Variants in SMOC2 observed in about 807,000 individuals in gnomAD.
SMOC2 encodes SPARC-related modular calcium-binding protein 2.
Under a neutral mutation model 61.4 loss-of-function variants are expected in SMOC2, and 39 were observed. The ratio of observed to expected loss-of-function variants is 0.64; its 90% CI spans 0.49 to 0.83. The LOEUF is 0.83. Among genes scored for constraint, SMOC2 ranks in the 40% least tolerant of loss-of-function variants. The probability of loss-of-function intolerance (pLI) is 0.00; values close to 1 mark genes in which losing one functional copy is unlikely to be tolerated. For synonymous variants in SMOC2, 247 were observed against 239.9 expected, an observed-to-expected ratio of 1.03 and a Z score of -0.27; for missense variants, 556 against 592.9, an observed-to-expected ratio of 0.94 and a Z score of 0.65.
Position 168,527,627 on chromosome 6 carries a change from G to A in SMOC2, c.364-1G>A. 1 of 1,549,770 alleles carries A rather than the reference G, an allele frequency of 6.5e-7. No individual in the cohort carries two copies. Among genetic ancestry groups the A allele is most frequent in the Non-Finnish European group, 8.7e-7 (1 of 1,146,404 alleles). ...CTTACCCGTCCTGTGCTCTCTCGCA[G>A]GTCCAGTGTCACAGCTACACGGGAT... is the stretch of plus-strand genomic sequence containing the variant. On this transcript the variant is annotated splice_acceptor_variant, in intron 3 of 12. Coordinates refer to ENST00000356284, the MANE Select transcript of SMOC2 (RefSeq NM_001166412.2). LOFTEE classifies it high-confidence loss of function.
At chr6:168,549,004 A>C (rs1214895060) in intron 6 of SMOC2, 125 bp from the exon 7 acceptor site, 5 of 710,896 alleles carry the variant, frequency 7.0e-6, no homozygotes, top group Non-Finnish European at 1.0e-5. Flanking sequence ...ATTTCTTTAC[A>C]AATGTACAAT....
At chr6:168,626,899 T>TGCCTGAGTTG (rs1439793560) in intron 9 of SMOC2, among the ~76,000 whole-genome samples, 6 of 152,328 alleles carry the variant, frequency 3.9e-5, no homozygotes, top group South Asian at 2.1e-4. Flanking sequence ...AGTTCTCTGT[T>TGCCTGAGTTG]GCCTGAGTTG....
Position 168,543,614 on chromosome 6 carries a change from T to A in SMOC2, c.464-11T>A. On this transcript the variant is annotated splice_polypyrimidine_tract_variant and intron_variant, in intron 4 of 12. Transcript: ENST00000356284. ...AATAATTTCATTTCACTCCTTATTT[T>A]CCTCTTTTAGGTTCCGTAAATGAAA... 6.2e-7 allele frequency: 1 copy of A among 1,612,908 alleles called. No individual in the cohort carries two copies. Among genetic ancestry groups the A allele is most frequent in the Non-Finnish European group, 8.5e-7 (1 of 1,179,152 alleles).
At chr6:168,599,274 TCTCA>T (rs1453416487) in intron 8 of SMOC2, among the ~76,000 whole-genome samples, 3 of 92,022 alleles carry the variant, frequency 3.3e-5, no homozygotes, top group African/African-American at 1.4e-4. Context: ...ACACCCACGC[TCTCA>T]CACACCCACA....
Position 168,526,340 on chromosome 6 carries a change from C to T in SMOC2, c.257-6C>T, listed in dbSNP as rs993158183. 2 of 1,613,066 alleles carry T rather than the reference C, an allele frequency of 1.2e-6. No homozygotes were observed. The highest frequency in any genetic ancestry group is 1.3e-5 in the African/African-American group (1 of 75,048). ...AACCACACCTCTGCCCTGTTCTTCC[C>T]TACAGACGTGTCCAGGTGTGTGGCC... On this transcript the variant is annotated splice_polypyrimidine_tract_variant and splice_region_variant and intron_variant, in intron 2 of 12. Transcript: ENST00000356284.
At chr6:168,518,645 TTG>T (rs758316912) in intron 2 of SMOC2, among the ~76,000 whole-genome samples, 9 of 144,820 alleles carry the variant, frequency 6.2e-5, no homozygotes, top group Middle Eastern at 3.6e-3. Context: ...GAGTGTATGC[TTG>T]TGTGGGTGTG....
At position 168,535,583 on chromosome 6, in the gene SMOC2, T is replaced by C. The variant is rs1775393444; in HGVS notation, c.463+7856T>C. On this transcript the variant is annotated intron_variant, in intron 4 of 12. Coordinates refer to ENST00000356284, the MANE Select transcript of SMOC2 (RefSeq NM_001166412.2). The surrounding 1 kb of genome is among the most constrained non-coding windows in gnomAD (Gnocchi z 4.6). ...CTGTTTAAAGGCAGAATCACTAGGA[T>C]AGAAAAAGACCCACGAAGCATAAAA... is the stretch of plus-strand genomic sequence containing the variant. Among the ~76,000 whole-genome samples the C allele has an allele frequency of 6.6e-6, 1 of 151,980 alleles. No individual in the cohort carries two copies. Among genetic ancestry groups the C allele is most frequent in the Admixed American group, 6.6e-5 (1 of 15,264 alleles).
chr6:168,664,384 C>CTTTTTTTTTTTT lies in SMOC2; in HGVS notation c.1323+294_1323+305dup, dbSNP rs750178882. 1.1e-5 allele frequency: 3 copies of CTTTTTTTTTTTT among 283,094 alleles called. No individual in the cohort carries two copies. The African/African-American group carries it at 1.2e-4, about 11-fold the overall frequency. 17.5% of individuals were successfully genotyped at this position (283,094 alleles called of 1,614,324 possible). ...TTCTGAGTTTCCTTGTTTGGTAGATCTTTTTTTTTTTTTTTTTTTTTTTTT... is the reference window on the plus strand; with the variant it reads ...TTCTGAGTTTCCTTGTTTGGTAGATCTTTTTTTTTTTTTTTTTTTTTTTTTTTTTTTTTTTTT... On this transcript the variant is annotated intron_variant, in intron 12 of 12. Coordinates refer to ENST00000356284, the MANE Select transcript of SMOC2 (RefSeq NM_001166412.2).
rs1284875467 is a variant in SMOC2 at position 168,544,973 on chromosome 6, T to C, written c.511+1301T>C. ...TCACAGTCAAGGAAGATAGCTCATTTTCCAGCCGAAAAATGATGACAGGCA... is the reference window on the plus strand; with the variant it reads ...TCACAGTCAAGGAAGATAGCTCATTCTCCAGCCGAAAAATGATGACAGGCA... On this transcript the variant is annotated intron_variant, in intron 5 of 12. Transcript: ENST00000356284. This position sits in a 1 kb window ranked among gnomAD's most constrained non-coding sequence, Gnocchi z 4.1. 6.6e-6 allele frequency among the ~76,000 whole-genome samples: 1 copy of C among 152,136 alleles called. No individual in the cohort carries two copies. Among genetic ancestry groups the C allele is most frequent in the Non-Finnish European group, 1.5e-5 (1 of 68,032 alleles).
chr6:168,521,648 G>T (rs1783332652), intron 2 of SMOC2, among the ~76,000 whole-genome samples: 1 of 152,152 alleles, frequency 6.6e-6, no homozygotes, highest in Admixed American at 6.5e-5. Flanking sequence ...CAGCATTCTG[G>T]GAGGCGGGAG....
At chr6:168,491,903 A>T (rs1782477357) in intron 1 of SMOC2, among the ~76,000 whole-genome samples, 2 of 152,224 alleles carry the variant, frequency 1.3e-5, no homozygotes, top group African/African-American at 4.8e-5. Flanking sequence ...AGGTATCGCT[A>T]ACTACATCGA....
chr6:168,456,316 C>T (rs1562538047), intron 1 of SMOC2, among the ~76,000 whole-genome samples: 1 of 151,982 alleles, frequency 6.6e-6, no homozygotes, highest in East Asian at 1.9e-4. Context: ...AAGACTGAGG[C>T]AGGGTGGGTG....
In SMOC2 at chr6:168,501,162, T is replaced by C. The variant is rs116829242; in HGVS notation, c.85-8753T>C. Among the ~76,000 whole-genome samples the C allele has an allele frequency of 5.1e-3, 780 of 152,278 alleles. 6 individuals carry two copies. The highest frequency in any genetic ancestry group is 0.018 in the African/African-American group (753 of 41,544). ...GTAACACCATCCTCATCATATCTTATTAGGAAGAATTTTAGAATAACAGAG... is the reference window on the plus strand; with the variant it reads ...GTAACACCATCCTCATCATATCTTACTAGGAAGAATTTTAGAATAACAGAG... On this transcript the variant is annotated intron_variant, in intron 1 of 12. Transcript: ENST00000356284.
chr6:168,524,488 T>TG (rs1783408481), intron 2 of SMOC2, among the ~76,000 whole-genome samples: 1 of 152,234 alleles, frequency 6.6e-6, no homozygotes, highest in African/African-American at 2.4e-5. Context: ...ACGCCAAGAA[T>TG]GGAGCCCACA....
At chr6:168,457,205 G>A (rs1011529943) in intron 1 of SMOC2, among the ~76,000 whole-genome samples, 3 of 152,212 alleles carry the variant, frequency 2.0e-5, no homozygotes, top group South Asian at 4.1e-4. Flanking sequence ...GCTGCCAGGA[G>A]GAACGTGTGT....
At chr6:168,540,862 A>G (rs1459006394) in intron 4 of SMOC2, among the ~76,000 whole-genome samples, 3 of 152,162 alleles carry the variant, frequency 2.0e-5, no homozygotes, top group African/African-American at 7.2e-5. Context: ...GCTCTGAAGG[A>G]GGACTCCCTG....
In SMOC2 at chr6:168,653,177, T is replaced by C; in HGVS notation, c.1234T>C (p.Cys412Arg). 1 of 1,614,186 alleles carries C rather than the reference T, an allele frequency of 6.2e-7. No homozygotes were observed. Among genetic ancestry groups the C allele is most frequent in the Non-Finnish European group, 8.5e-7 (1 of 1,180,012 alleles). The change falls in exon 11 of 13, where the codon TGC becomes CGC. Residue 412 changes from cysteine (C) to arginine (R), a missense_variant. Physicochemically the swap from Cys to Arg is radical, Grantham distance 180 (BLOSUM62 -3). Coordinates refer to ENST00000356284, the MANE Select transcript of SMOC2 (RefSeq NM_001166412.2). ...KSISVQELMG[C>R]LGVAKEDGKA... is the part of the protein sequence containing the mutation. The stretch of plus-strand genomic sequence containing the variant: ...CATCTCCGTACAAGAACTGATGGGC[T>C]GCCTGGGCGTGGCGAAAGAGGACGG...
chr6:168,598,709 G>A, intron 7 of SMOC2, 109 bp from the exon 8 acceptor site: 2 of 1,303,360 alleles, frequency 1.5e-6, no homozygotes, highest in East Asian at 2.3e-5. Context: ...GCTCCGGGGT[G>A]AAGGAGGACC....
intron 9 of SMOC2, among the ~76,000 whole-genome samples, chr6:168,634,384 G>A (rs1238638642): frequency 6.6e-6 from 1 of 152,192 alleles, no homozygotes; most frequent in Non-Finnish European, 1.5e-5. Context: ...ATCAAGGGTT[G>A]GCTGTAATTA....
Sources: allele counts gnomAD v4.1 joint callset (sites outside exome capture counted in the v4.1 genomes callset), GRCh38; gene constraint gnomAD v4.1.1; non-coding constraint Gnocchi (gnomAD v3.1); transcripts MANE v1.5; gene names NCBI Gene and HGNC (gene_info 2026-07-23, HGNC 2026-07-21).